The following CSMD1 variants were observed in gnomAD, a reference collection of about 807,000 sequenced individuals.
CSMD1 encodes the protein CUB and sushi domain-containing protein 1.
In CSMD1, 213 loss-of-function variants were observed where a neutral mutation model predicts 417.5. That is an observed-to-expected ratio of 0.51 (90% CI 0.46 to 0.57). The LOEUF is 0.57. Among genes scored for constraint, CSMD1 ranks in the 20% least tolerant of loss-of-function variants. The probability of loss-of-function intolerance (pLI) is 0.00; values close to 1 mark genes in which losing one functional copy is unlikely to be tolerated. For synonymous variants in CSMD1, 2,862 were observed against 1,736.8 expected (o/e 1.65, Z -16.11); for missense variants, 6,923 against 4,529.7 (o/e 1.53, Z -15.17).
At chr8:4,010,064 G>A (rs937560998) in intron 4 of CSMD1, among the ~76,000 whole-genome samples, 4 of 152,142 alleles carry the variant, frequency 2.6e-5, no homozygotes, top group South Asian at 2.1e-4. Context: ...ATTATAAACA[G>A]AATTTCCTAC....
chr8:3,619,860 G>C (rs963214496), intron 7 of CSMD1, among the ~76,000 whole-genome samples: 3 of 152,168 alleles, frequency 2.0e-5, no homozygotes, highest in African/African-American at 4.8e-5. Flanking sequence ...CCAACACTTT[G>C]GGAGGCTGAG....
chr8:4,755,769 C>T (rs1811628381), intron 1 of CSMD1, among the ~76,000 whole-genome samples: 1 of 152,142 alleles, frequency 6.6e-6, no homozygotes, highest in African/African-American at 2.4e-5. Flanking sequence ...AATCTCCCTC[C>T]AAAATGTCTT....
At chr8:4,992,277 G>A (rs1811511710) in intron 1 of CSMD1, among the ~76,000 whole-genome samples, 3 of 152,130 alleles carry the variant, frequency 2.0e-5, no homozygotes, top group African/African-American at 7.2e-5. Context: ...CCCGCGTGGG[G>A]GCGGAATCCG....
chr8:3,212,542 T>C (rs192776841), intron 30 of CSMD1, among the ~76,000 whole-genome samples: 1 of 152,014 alleles, frequency 6.6e-6, no homozygotes, highest in Admixed American at 6.6e-5. Context: ...TTGGTAGAGA[T>C]GGGGTTTTGT....
chr8:3,742,013 C>T (rs987969464), intron 6 of CSMD1, among the ~76,000 whole-genome samples: 8 of 147,120 alleles, frequency 5.4e-5, no homozygotes, highest in Non-Finnish European at 1.0e-4. Context: ...AATTGCCTTT[C>T]GAGGCTGGAA....
intron 1 of CSMD1, among the ~76,000 whole-genome samples, chr8:4,883,680 T>A (rs1433361753): frequency 6.6e-6 from 1 of 152,150 alleles, no homozygotes; most frequent in Non-Finnish European, 1.5e-5. Flanking sequence ...TGCGGAATAA[T>A]AACCAATTGT....
chr8:3,844,542 G>C (rs931941827), intron 5 of CSMD1, among the ~76,000 whole-genome samples: 1 of 152,102 alleles, frequency 6.6e-6, no homozygotes. Context: ...TTGTCACAGA[G>C]GGAAAAATTG....
rs529083936 is a variant in CSMD1, at chr8:4,448,985, T to C, written c.303-28920A>G. 3.9e-5 allele frequency among the ~76,000 whole-genome samples: 6 copies of C among 152,314 alleles called. No individual in the cohort carries two copies. The East Asian group carries it at 9.7e-4, about 25-fold the overall frequency. ...TTCTGGATCCTAAGGTACAAATGGA[T>C]AGTAGTCAGTATTATTTATTACTTG... On this transcript the variant is annotated intron_variant, in intron 2 of 69. Coordinates refer to ENST00000635120, the MANE Select transcript of CSMD1 (RefSeq NM_033225.6).
intron 27 of CSMD1, among the ~76,000 whole-genome samples, chr8:3,228,984 C>G (rs13258433): frequency 0.63 from 95,956 of 151,856 alleles, 30,536 homozygotes; most frequent in South Asian, 0.75. Context: ...AACACACATA[C>G]ATTGCTCCCC....
chr8:4,263,652 C>G (rs1585121471), intron 3 of CSMD1, among the ~76,000 whole-genome samples: 1 of 152,152 alleles, frequency 6.6e-6, no homozygotes, highest in African/African-American at 2.4e-5. Context: ...AGCAATAACT[C>G]TATGACCAAT....
At chr8:4,914,148 T>C (rs1563751239) in intron 1 of CSMD1, among the ~76,000 whole-genome samples, 1 of 152,158 alleles carries the variant, frequency 6.6e-6, no homozygotes, top group Non-Finnish European at 1.5e-5. Flanking sequence ...TTCTGAAAAG[T>C]GCATATAAAG....
In CSMD1 at chr8:3,671,616, T is replaced by C. The variant is rs528121959; in HGVS notation, c.1009+36798A>G. ...ATATGATTAGTTCTATCTCTTTAGA[T>C]AACCCTGACTAATATACCATCTATT... On this transcript the variant is annotated intron_variant, in intron 7 of 69. Transcript: ENST00000635120. Among the ~76,000 whole-genome samples the C allele has an allele frequency of 4.8e-5, 7 of 145,512 alleles. No individual in the cohort carries two copies. In the East Asian group the frequency reaches 1.4e-3, roughly 30 times the overall value.
At chr8:3,755,099 G>A (rs1797581912) in intron 5 of CSMD1, among the ~76,000 whole-genome samples, 1 of 152,180 alleles carries the variant, frequency 6.6e-6, no homozygotes, top group African/African-American at 2.4e-5. Flanking sequence ...AACCTTATGT[G>A]CTTACTAAGG....
intron 3 of CSMD1, among the ~76,000 whole-genome samples, chr8:4,357,115 G>A (rs989918498): frequency 6.6e-6 from 1 of 152,094 alleles, no homozygotes; most frequent in Non-Finnish European, 1.5e-5. Context: ...ACTCTGAATT[G>A]GTCATCAAAA....
intron 15 of CSMD1, among the ~76,000 whole-genome samples, chr8:3,404,908 C>A (rs1034683687): frequency 2.6e-5 from 4 of 152,124 alleles, no homozygotes; most frequent in African/African-American, 9.7e-5. Context: ...TCATTTCCAA[C>A]TCTTCACTGC....
At chr8:3,857,812 A>G (rs1400360579) in intron 5 of CSMD1, among the ~76,000 whole-genome samples, 4 of 152,368 alleles carry the variant, frequency 2.6e-5, no homozygotes, top group Non-Finnish European at 5.9e-5. Flanking sequence ...AGGCCAGAGT[A>G]GAAAAGAGCT....
At chr8:3,513,615 G>A (rs746610583) in intron 10 of CSMD1, among the ~76,000 whole-genome samples, 8 of 152,110 alleles carry the variant, frequency 5.3e-5, no homozygotes, top group Non-Finnish European at 1.0e-4. Flanking sequence ...AGAAAACATG[G>A]TAAGACTTAC....
chr8:4,219,945 A>C (rs1232881808), intron 3 of CSMD1, among the ~76,000 whole-genome samples: 1 of 152,246 alleles, frequency 6.6e-6, no homozygotes, highest in South Asian at 2.1e-4. Flanking sequence ...AATTTTTTAA[A>C]AATTTTTTAA....
At chr8:3,494,781 C>G (rs573626313) in intron 10 of CSMD1, among the ~76,000 whole-genome samples, 2 of 152,174 alleles carry the variant, frequency 1.3e-5, no homozygotes, top group African/African-American at 4.8e-5. Context: ...GGAACAGAAA[C>G]CATAATACTG....
Sources: gnomAD v4.1 joint callset for allele counts (sites outside exome capture counted in the v4.1 genomes callset) on GRCh38, gnomAD v4.1.1 for gene constraint, MANE v1.5 for transcripts, NCBI Gene and HGNC (gene_info 2026-07-23, HGNC 2026-07-21) for gene names.